The following ZC3H4 variants were observed in gnomAD, a reference collection of about 807,000 sequenced individuals.
ZC3H4 encodes the protein zinc finger CCCH-type containing 4.
In ZC3H4, 13 loss-of-function variants were observed where a neutral mutation model predicts 108.3. The observed-to-expected ratio is 0.12, with a 90% CI of 0.08 to 0.19. The LOEUF is 0.19. ZC3H4 is among the 10% of genes least tolerant of loss of function. ZC3H4 has a pLI of 1.00. For missense variants in ZC3H4, 1,734 were observed against 1,838.8 expected, an observed-to-expected ratio of 0.94 and a Z score of 1.04; for synonymous variants, 917 against 749.6, an observed-to-expected ratio of 1.22 and a Z score of -3.65.
At chr19:47,089,358 T>G (rs1055506131) in intron 5 of ZC3H4, among the ~76,000 whole-genome samples, 10 of 151,732 alleles carry the variant, frequency 6.6e-5, no homozygotes, top group Admixed American at 5.3e-4. Context: ...GATGGTTCAA[T>G]GGTTCTTTTT....
At chr19:47,088,311 G>A (rs2057668099) in intron 5 of ZC3H4, among the ~76,000 whole-genome samples, 1 of 152,120 alleles carries the variant, frequency 6.6e-6, no homozygotes, top group Admixed American at 6.6e-5. Flanking sequence ...ACTTTGGGAG[G>A]CCGAGGTAGG....
chr19:47,083,549 A>G (rs2057561947), intron 9 of ZC3H4, among the ~76,000 whole-genome samples: 1 of 152,056 alleles, frequency 6.6e-6, no homozygotes, highest in African/African-American at 2.4e-5. Flanking sequence ...TACTAAAAAT[A>G]CAAAAATTAG....
At chr19:47,079,515 C>G (rs2057483124) in intron 11 of ZC3H4, among the ~76,000 whole-genome samples, 1 of 151,940 alleles carries the variant, frequency 6.6e-6, no homozygotes, top group Non-Finnish European at 1.5e-5. Flanking sequence ...AGTCAGAGAT[C>G]AGTGAGTCCT....
intron 2 of ZC3H4, among the ~76,000 whole-genome samples, chr19:47,103,326 A>G (rs2057926493): frequency 6.6e-6 from 1 of 152,136 alleles, no homozygotes; most frequent in African/African-American, 2.4e-5. Flanking sequence ...ATTTCTACAC[A>G]GGGTCTTGCT....
rs1020300431 is a variant in ZC3H4 at position 47,112,593 on chromosome 19, T to TG, written c.-5-5dup. ...CCGGGCGCGGCCTCCATAGTTCCTT[T>TG]GGGGGGGAGGGGATGTTAATGCACG... is the stretch of plus-strand genomic sequence containing the variant. On this transcript the variant is annotated splice_region_variant and splice_polypyrimidine_tract_variant and intron_variant, in intron 1 of 14. Transcript: ENST00000253048. 134 of 1,162,278 alleles carry TG rather than the reference T, an allele frequency of 1.2e-4. No homozygotes were observed. Among genetic ancestry groups the TG allele is most frequent in the Non-Finnish European group, 1.3e-4 (126 of 934,756 alleles). The allele number at this position is 1,162,278 out of a possible 1,614,324, so 72.0% of individuals were successfully genotyped here.
At chr19:47,109,754 A>T (rs1245535262) in intron 2 of ZC3H4, among the ~76,000 whole-genome samples, 1 of 152,218 alleles carries the variant, frequency 6.6e-6, no homozygotes, top group Admixed American at 6.5e-5. Flanking sequence ...GTAAGAAGGA[A>T]AAAAACAAAA....
chr19:47,082,966 G>C (rs2057549966), intron 9 of ZC3H4, among the ~76,000 whole-genome samples: 1 of 152,214 alleles, frequency 6.6e-6, no homozygotes, highest in Non-Finnish European at 1.5e-5. Flanking sequence ...TCAGTCCTCA[G>C]GAATCACTCA....
At chr19:47,077,233 G>A (rs2057439187) in intron 11 of ZC3H4, among the ~76,000 whole-genome samples, 1 of 151,930 alleles carries the variant, frequency 6.6e-6, no homozygotes, top group Non-Finnish European at 1.5e-5. Context: ...CACTTTGGGA[G>A]GCCTGCGGGT....
In ZC3H4 at chr19:47,072,281, C is replaced by A; in HGVS notation, c.1802+71G>T. The A allele has an allele frequency of 6.6e-7, 1 of 1,513,540 alleles. No individual in the cohort carries two copies. The highest frequency in any genetic ancestry group is 1.2e-5 in the South Asian group (1 of 82,896). The allele number at this position is 1,513,540 out of a possible 1,614,324, so 93.8% of individuals were successfully genotyped here. On this transcript the variant is annotated intron_variant, in intron 12 of 14. Transcript: ENST00000253048. This position sits in a 1 kb window ranked among gnomAD's most constrained non-coding sequence, Gnocchi z 5.6. Reference sequence around the variant, plus strand: ...CAGGACTCTCCCACAGCCAGGCTTGCCCTAACAAGAGGAGCCTGGCTGGGC... The same window carrying A: ...CAGGACTCTCCCACAGCCAGGCTTGACCTAACAAGAGGAGCCTGGCTGGGC...
intron 2 of ZC3H4, among the ~76,000 whole-genome samples, chr19:47,104,492 A>G (rs2057944137): frequency 6.6e-6 from 1 of 152,174 alleles, no homozygotes; most frequent in Non-Finnish European, 1.5e-5. Flanking sequence ...TGCATATTCT[A>G]TATGAAGTAT....
Position 47,066,788 on chromosome 19 carries a change from G to A in ZC3H4, c.3480C>T (p.Ala1160=), listed in dbSNP as rs772261953. 6.9e-6 allele frequency: 11 copies of A among 1,601,486 alleles called. No individual in the cohort carries two copies. The Admixed American group carries it at 8.4e-5, about 12-fold the overall frequency. Residue 1160 remains alanine (A), a synonymous_variant, in exon 15 of 15, where the codon GCC becomes GCT. Coordinates refer to ENST00000253048, the MANE Select transcript of ZC3H4 (RefSeq NM_015168.2). Reference sequence around the variant, plus strand: ...CACCCGTGTCAGCAGCCGGCTCTGTGGCTTTGCCCCCCGCGTTGGGAGTCC... The same window carrying A: ...CACCCGTGTCAGCAGCCGGCTCTGTAGCTTTGCCCCCCGCGTTGGGAGTCC... The part of the protein sequence containing the change: ...DPRTPNAGGK[A]TEPAADTGAQ...
chr19:47,067,894 AG>A lies in ZC3H4; in HGVS notation c.2399-26del. ...CCTGGGAAAGAACAGAGGAGCAGGG[AG>A]GGGTGAGTGGGCGCATCCACCACCC... On this transcript the variant is annotated intron_variant, in intron 14 of 14. Coordinates refer to ENST00000253048, the MANE Select transcript of ZC3H4 (RefSeq NM_015168.2). The surrounding 1 kb of genome is among the most constrained non-coding windows in gnomAD (Gnocchi z 6.4). 6.4e-7 allele frequency: 1 copy of A among 1,561,272 alleles called. No homozygotes were observed.
At chr19:47,110,604 G>A (rs2058025701) in intron 2 of ZC3H4, among the ~76,000 whole-genome samples, 2 of 152,164 alleles carry the variant, frequency 1.3e-5, no homozygotes, top group South Asian at 4.1e-4. Flanking sequence ...AAAAGAGGGA[G>A]ATCATTGAAT....
At position 47,072,584 on chromosome 19, in the gene ZC3H4, G is replaced by A. The variant is rs756962855; in HGVS notation, c.1570C>T (p.Pro524Ser). The A allele has an allele frequency of 6.3e-7, 1 of 1,592,182 alleles. No homozygotes were observed. Among genetic ancestry groups the A allele is most frequent in the Non-Finnish European group, 8.5e-7 (1 of 1,171,614 alleles). ...GGAGAGGTTGGAGCCTGCGGGCCAG[G>A]GGGCCGAGGAGGGGTGGGCAGGAGG... is the stretch of plus-strand genomic sequence containing the variant. Reference protein sequence around the residue: ...VGLLPTPPRPPGPQAPTSPNG... With the variant: ...VGLLPTPPRPSGPQAPTSPNG... Residue 524 changes from proline to serine, a missense_variant, in exon 12 of 15, where the codon CCT (proline) becomes TCT (serine). This residue lies in a region of ZC3H4 where 75 missense variants were observed against 85.8 expected (regional missense o/e 0.87). Coordinates refer to ENST00000253048, the MANE Select transcript of ZC3H4 (RefSeq NM_015168.2). The surrounding 1 kb of genome is among the most constrained non-coding windows in gnomAD (Gnocchi z 5.6).
intron 13 of ZC3H4, among the ~76,000 whole-genome samples, chr19:47,070,036 CG>C (rs1209876548): frequency 1.3e-5 from 2 of 152,090 alleles, no homozygotes; most frequent in Non-Finnish European, 1.5e-5. Context: ...GACGTGGGGA[CG>C]CAGCAGGCGT....
In ZC3H4 at chr19:47,066,924, G is replaced by A. The variant is rs768796095; in HGVS notation, c.3344C>T (p.Pro1115Leu). Residue 1115 changes from proline to leucine, a missense_variant, in exon 15 of 15, where the codon CCA becomes CTA. Around this residue, in one of 9 missense-constraint regions of ZC3H4, gnomAD observed 518 missense variants for 499.6 expected, o/e 1.04. Transcript: ENST00000253048. Reference sequence around the variant, plus strand: ...GGGGTCGTAGGGAGCGGTGGCTGGTGGGGAGGCATCCCCACTCGGGCTGGC... The same window carrying A: ...GGGGTCGTAGGGAGCGGTGGCTGGTAGGGAGGCATCCCCACTCGGGCTGGC... ...PTASPSGDAS[P>L]PATAPYDPRV... The A allele has an allele frequency of 6.5e-5, 103 of 1,596,412 alleles. No homozygotes were observed. In the East Asian group the frequency reaches 2.2e-3, roughly 34 times the overall value.
intron 9 of ZC3H4, 43 bp from the exon 10 acceptor site, chr19:47,082,338 G>C: frequency 6.8e-7 from 1 of 1,461,086 alleles, no homozygotes. Context: ...GGCGTGGGAA[G>C]CTCTTGCTTA....
chr19:47,086,738 A>G (rs1055644792), intron 5 of ZC3H4, among the ~76,000 whole-genome samples, 200 bp from the exon 6 acceptor site: 2 of 152,132 alleles, frequency 1.3e-5, no homozygotes, highest in African/African-American at 4.8e-5. Context: ...GGGGTCCCTC[A>G]GCACCCCAGA....
At chr19:47,101,687 G>A (rs1009877606) in intron 2 of ZC3H4, among the ~76,000 whole-genome samples, 3 of 151,802 alleles carry the variant, frequency 2.0e-5, no homozygotes, top group South Asian at 2.1e-4. Flanking sequence ...CCTGACCAAC[G>A]TGGAGAAACC....
Sources: allele counts gnomAD v4.1 joint callset (sites outside exome capture counted in the v4.1 genomes callset), GRCh38; gene constraint gnomAD v4.1.1; regional missense constraint gnomAD v4.1.1; non-coding constraint Gnocchi (gnomAD v3.1); transcripts MANE v1.5; gene names NCBI Gene and HGNC (gene_info 2026-07-23, HGNC 2026-07-21).